Variants in OPCML observed in about 807,000 individuals in gnomAD.
OPCML encodes the protein opioid-binding protein/cell adhesion molecule.
In OPCML, 13 loss-of-function variants were observed where a neutral mutation model predicts 37.8. That is an observed-to-expected ratio of 0.34 (90% CI 0.22 to 0.55). The LOEUF (loss-of-function observed/expected upper bound fraction) is 0.55. Ranked by LOEUF, OPCML falls within the 20% of genes least tolerant of loss-of-function variation. The probability of loss-of-function intolerance (pLI) is 0.91; values close to 1 mark genes in which losing one functional copy is unlikely to be tolerated. For missense variants in OPCML, 341 were observed against 435.6 expected (o/e 0.78, Z 1.93); for synonymous variants, 176 against 168.8 (o/e 1.04, Z -0.33).
chr11:132,912,358 T>C (rs1275853619), intron 2 of OPCML, among the ~76,000 whole-genome samples: 1 of 152,194 alleles, frequency 6.6e-6, no homozygotes, highest in African/African-American at 2.4e-5. Context: ...TTAGGACCAA[T>C]ATACAACTCA....
At chr11:132,771,885 C>G (rs1367807128) in intron 2 of OPCML, 1 of 152,198 alleles carries the variant, frequency 6.6e-6, no homozygotes, top group Non-Finnish European at 1.5e-5. Flanking sequence ...TCCACATGAG[C>G]CAGGAGCTAA....
intron 1 of OPCML, among the ~76,000 whole-genome samples, chr11:133,113,722 A>T (rs1949291219): frequency 6.6e-6 from 1 of 152,222 alleles, no homozygotes. Context: ...GCCTAAATAA[A>T]TTTTAAGATT....
At chr11:132,626,824 C>A (rs1170799214) in intron 3 of OPCML, among the ~76,000 whole-genome samples, 1 of 145,662 alleles carries the variant, frequency 6.9e-6, no homozygotes, top group Non-Finnish European at 1.5e-5. Context: ...CTCTCTCTCT[C>A]TCTCTCTCTC....
At chr11:133,254,073 C>A (rs1941237217) in intron 1 of OPCML, among the ~76,000 whole-genome samples, 1 of 152,058 alleles carries the variant, frequency 6.6e-6, no homozygotes, top group African/African-American at 2.4e-5. Flanking sequence ...CCTCAATTCA[C>A]TAAGATAAAT....
intron 1 of OPCML, among the ~76,000 whole-genome samples, chr11:133,416,663 C>A (rs1466520854): frequency 6.6e-6 from 1 of 152,206 alleles, no homozygotes; most frequent in Non-Finnish European, 1.5e-5. Context: ...AAGTTTCCAG[C>A]AAATGCAGGT....
intron 3 of OPCML, among the ~76,000 whole-genome samples, chr11:132,552,352 C>T (rs1184981920): frequency 6.6e-6 from 1 of 152,222 alleles, no homozygotes; most frequent in Non-Finnish European, 1.5e-5. Flanking sequence ...AAACAGGACA[C>T]TGAAAAGTGA....
rs78437049 is a variant in OPCML, at chr11:132,653,179, C to T, written c.379+3908G>A. Among the ~76,000 whole-genome samples the T allele has an allele frequency of 9.8e-3, 1,486 of 152,108 alleles. 22 individuals carry two copies. The highest frequency in any genetic ancestry group is 0.033 in the African/African-American group (1,350 of 41,538). On this transcript the variant is annotated intron_variant, in intron 3 of 7. Transcript: ENST00000524381. The stretch of plus-strand genomic sequence containing the variant: ...CTGTTCTTTCCGAGTGGCATAGGAT[C>T]GTATCTCCCCAATCACTAGCATTTC...
At position 132,516,326 on chromosome 11, in the gene OPCML, C is replaced by T. The variant is rs913447316; in HGVS notation, c.505+12735G>A. ...AAGTGCCTTCTCCAAACATCCTTCACTCTGTACATCAGATTTCCCCTTCAC... is the reference window on the plus strand; with the variant it reads ...AAGTGCCTTCTCCAAACATCCTTCATTCTGTACATCAGATTTCCCCTTCAC... On this transcript the variant is annotated intron_variant, in intron 4 of 7. Coordinates refer to ENST00000524381, the MANE Select transcript of OPCML (RefSeq NM_001012393.5). Among the ~76,000 whole-genome samples the T allele has an allele frequency of 6.6e-5, 10 of 152,168 alleles. No individual in the cohort carries two copies. In the East Asian group the frequency reaches 1.5e-3, roughly 24 times the overall value.
At chr11:132,958,104 T>C (rs748537517) in intron 1 of OPCML, among the ~76,000 whole-genome samples, 16 of 152,180 alleles carry the variant, frequency 1.1e-4, no homozygotes, top group Non-Finnish European at 2.2e-4. Flanking sequence ...AAGTTAGGAA[T>C]GCAAAGGAAA....
At chr11:132,919,691 G>A (rs935857011) in intron 2 of OPCML, among the ~76,000 whole-genome samples, 2 of 152,084 alleles carry the variant, frequency 1.3e-5, no homozygotes, top group African/African-American at 2.4e-5. Flanking sequence ...AGCAAGTACC[G>A]TGATGTGTTG....
intron 1 of OPCML, among the ~76,000 whole-genome samples, chr11:133,460,295 CTT>C (rs1229101813): frequency 2.0e-5 from 3 of 151,608 alleles, no homozygotes; most frequent in Admixed American, 1.3e-4. Flanking sequence ...AATAGCCTAA[CTT>C]TATATTTTTG....
Position 133,208,025 on chromosome 11 carries a change from A to G in OPCML, c.62-265015T>C, listed in dbSNP as rs1939179636. ...CTTTGTAATTAAGAACTCAAACTGC[A>G]TTTAACCACCCTAGGCAAGGTTAAG... On this transcript the variant is annotated intron_variant, in intron 1 of 7. Coordinates refer to ENST00000524381, the MANE Select transcript of OPCML (RefSeq NM_001012393.5). The surrounding 1 kb of genome is among the most constrained non-coding windows in gnomAD (Gnocchi z 8.9). Among the ~76,000 whole-genome samples the G allele has an allele frequency of 6.6e-6, 1 of 152,184 alleles. No individual in the cohort carries two copies. Among genetic ancestry groups the G allele is most frequent in the African/African-American group, 2.4e-5 (1 of 41,454 alleles).
At chr11:132,631,509 G>C (rs1238004950) in intron 3 of OPCML, among the ~76,000 whole-genome samples, 1 of 150,768 alleles carries the variant, frequency 6.6e-6, no homozygotes, top group African/African-American at 2.4e-5. Flanking sequence ...CCCCAGGCTG[G>C]AGTGCAGTGG....
At chr11:133,462,383 A>T (rs1351109820) in intron 1 of OPCML, among the ~76,000 whole-genome samples, 1 of 152,110 alleles carries the variant, frequency 6.6e-6, no homozygotes, top group African/African-American at 2.4e-5. Context: ...AAAGACCAGT[A>T]TCATCAGAGT....
chr11:132,727,153 GAGA>G (rs201291422), intron 2 of OPCML, among the ~76,000 whole-genome samples: 1,758 of 152,290 alleles, frequency 0.012, 15 homozygotes, highest in Middle Eastern at 0.037. Context: ...CATCCTTCTG[GAGA>G]AGGTGCTATG....
At chr11:133,306,749 C>G (rs2136580627) in intron 1 of OPCML, among the ~76,000 whole-genome samples, 1 of 152,278 alleles carries the variant, frequency 6.6e-6, no homozygotes. Flanking sequence ...TGAAATAGCA[C>G]AGGGAAAGAC....
At chr11:133,297,676 G>A (rs1042512125) in intron 1 of OPCML, 4 of 152,194 alleles carry the variant, frequency 2.6e-5, no homozygotes, top group African/African-American at 9.6e-5. Flanking sequence ...ATAGATATTT[G>A]CAAGACAAAT....
chr11:132,497,334 A>C (rs1313251829), intron 4 of OPCML, among the ~76,000 whole-genome samples: 1 of 151,770 alleles, frequency 6.6e-6, no homozygotes, highest in African/African-American at 2.4e-5. Context: ...TCTGCGTAGC[A>C]AACCACCATG....
chr11:132,941,379 C>T (rs943337209), intron 2 of OPCML, among the ~76,000 whole-genome samples: 14 of 152,174 alleles, frequency 9.2e-5, no homozygotes, highest in African/African-American at 3.4e-4. Context: ...GACCTCTTTG[C>T]CCCCAGTGGC....
Sources: gnomAD v4.1 joint callset for allele counts (sites outside exome capture counted in the v4.1 genomes callset) on GRCh38, gnomAD v4.1.1 for gene constraint, Gnocchi (gnomAD v3.1) non-coding constraint, MANE v1.5 for transcripts, NCBI Gene and HGNC (gene_info 2026-07-23, HGNC 2026-07-21) for gene names.